The following TSHR variants were observed in gnomAD, a reference collection of about 807,000 sequenced individuals.
The protein encoded by TSHR is thyroid stimulating hormone receptor.
TSHR carries 51 observed loss-of-function variants against 64.1 expected under a neutral mutation model. That is an observed-to-expected ratio of 0.80 (90% CI 0.64 to 1.01). The LOEUF (loss-of-function observed/expected upper bound fraction) is 1.01, where lower values mean the gene tolerates loss of function less well. Ranked by LOEUF, TSHR falls within the 50% of genes least tolerant of loss-of-function variation. The pLI, the probability that TSHR is intolerant of heterozygous loss-of-function variation, is 0.00. For missense variants in TSHR, 877 were observed against 942.8 expected (o/e 0.93, Z 0.91); for synonymous variants, 361 against 361.9 (o/e 1.00, Z 0.03).
intron 2 of TSHR, among the ~76,000 whole-genome samples, chr14:81,067,484 T>TATATATATAA (rs1491134760): frequency 3.7e-4 from 1 of 2,682 alleles, no homozygotes; most frequent in Non-Finnish European, 1.9e-3. Context: ...TTTATAGTTT[T>TATATATATAA]ATATATATAT....
chr14:81,034,770 C>T (rs726626), intron 1 of TSHR, among the ~76,000 whole-genome samples: 37,159 of 152,056 alleles, frequency 0.24, 4,661 homozygotes, highest in South Asian at 0.33. Flanking sequence ...TGTCCTATGA[C>T]AGAAACAGGA....
intron 7 of TSHR, among the ~76,000 whole-genome samples, chr14:81,097,537 C>T (rs1016535514): frequency 1.3e-5 from 2 of 152,164 alleles, no homozygotes; most frequent in Non-Finnish European, 2.9e-5. Context: ...ATATTTCTAA[C>T]AAACTCCCAG....
intron 1 of TSHR, among the ~76,000 whole-genome samples, chr14:81,005,340 C>T (rs983625730): frequency 5.9e-5 from 9 of 152,046 alleles, no homozygotes; most frequent in African/African-American, 1.9e-4. Context: ...GTTTTATAGG[C>T]ACATATTACT....
At chr14:81,109,873 G>A (rs538469487) in intron 8 of TSHR, among the ~76,000 whole-genome samples, 2 of 152,206 alleles carry the variant, frequency 1.3e-5, no homozygotes, top group African/African-American at 4.8e-5. Context: ...AGACAAGTGG[G>A]GAAAAAATGT....
chr14:81,083,819 G>T (rs1041525851), intron 3 of TSHR, among the ~76,000 whole-genome samples: 1 of 152,158 alleles, frequency 6.6e-6, no homozygotes. Context: ...TGGCTGGGGA[G>T]GCCTCAGGAA....
chr14:81,127,453 G>A (rs2140078988), intron 8 of TSHR, among the ~76,000 whole-genome samples: 1 of 152,236 alleles, frequency 6.6e-6, no homozygotes, highest in South Asian at 2.1e-4. Flanking sequence ...GGGTTGTGAG[G>A]TTGAGAAGGG....
intron 8 of TSHR, among the ~76,000 whole-genome samples, chr14:81,132,893 A>G (rs1447750815): frequency 6.6e-6 from 1 of 152,142 alleles, no homozygotes; most frequent in African/African-American, 2.4e-5. Context: ...GGTTTATTTT[A>G]GGAAAGAAGG....
At chr14:81,092,387 G>A (rs773746950) in intron 5 of TSHR, 144 bp from the exon 6 acceptor site, 39 of 787,466 alleles carry the variant, frequency 5.0e-5, no homozygotes, top group African/African-American at 2.1e-4. Context: ...AGCCACTAGC[G>A]GTTAAGAAGG....
chr14:81,072,827 C>G (rs1039017496), intron 3 of TSHR, among the ~76,000 whole-genome samples: 9 of 136,166 alleles, frequency 6.6e-5, no homozygotes, highest in African/African-American at 3.1e-4. Flanking sequence ...GAAACCCCGT[C>G]TCTACTAAAA....
chr14:81,070,074 T>C (rs1341914954), intron 3 of TSHR, among the ~76,000 whole-genome samples: 6 of 151,990 alleles, frequency 3.9e-5, no homozygotes, highest in African/African-American at 1.2e-4. Flanking sequence ...AAGACTATAA[T>C]CAGTCTGAAG....
At chr14:80,956,080 C>G in intron 1 of TSHR, 1 of 614,466 alleles carries the variant, frequency 1.6e-6, no homozygotes, top group Non-Finnish European at 2.9e-6. Context: ...GAAAATGTTA[C>G]AAAACTTTGG....
intron 2 of TSHR, among the ~76,000 whole-genome samples, chr14:81,066,800 G>T (rs1279555581): frequency 1.3e-5 from 2 of 152,126 alleles, no homozygotes; most frequent in Non-Finnish European, 2.9e-5. Context: ...TAGTTTAATT[G>T]CATGTCCAGG....
intron 8 of TSHR, among the ~76,000 whole-genome samples, chr14:81,114,163 TG>T (rs1030079972): frequency 2.1e-5 from 3 of 145,646 alleles, no homozygotes; most frequent in South Asian, 2.1e-4. Context: ...AAAGTATCAC[TG>T]GGGGGGAGGA....
chr14:81,060,431 C>T (rs922448271), intron 1 of TSHR, among the ~76,000 whole-genome samples: 2 of 151,958 alleles, frequency 1.3e-5, no homozygotes, highest in Admixed American at 1.3e-4. Flanking sequence ...ATTTATGGGA[C>T]CTGAATTTCT....
chr14:81,099,722 A>T (rs1889448348), intron 7 of TSHR, among the ~76,000 whole-genome samples: 1 of 152,206 alleles, frequency 6.6e-6, no homozygotes, highest in Admixed American at 6.5e-5. Context: ...AAATGCTGGG[A>T]TGATAAAACG....
chr14:80,960,024 T>C (rs1045483441), intron 1 of TSHR, among the ~76,000 whole-genome samples: 1 of 152,246 alleles, frequency 6.6e-6, no homozygotes, highest in Non-Finnish European at 1.5e-5. Context: ...CAGACTATTG[T>C]CTGTGAATAC....
intron 8 of TSHR, 97 bp from the exon 9 acceptor site, chr14:81,139,582 C>T: frequency 2.4e-6 from 3 of 1,265,354 alleles, no homozygotes; most frequent in Admixed American, 3.5e-5. Flanking sequence ...CATATCATCT[C>T]CCAATTAACC....
At chr14:81,127,587 C>G (rs1891068999) in intron 8 of TSHR, among the ~76,000 whole-genome samples, 1 of 152,148 alleles carries the variant, frequency 6.6e-6, no homozygotes, top group Non-Finnish European at 1.5e-5. Context: ...ACAATTCCCA[C>G]ATGTTGTGGG....
At chr14:81,122,636 T>C (rs756403518) in intron 8 of TSHR, among the ~76,000 whole-genome samples, 2 of 152,094 alleles carry the variant, frequency 1.3e-5, no homozygotes, top group Non-Finnish European at 2.9e-5. Context: ...ATCCTCATCT[T>C]CTATAGTAGA....
Sources: allele counts gnomAD v4.1 joint callset (sites outside exome capture counted in the v4.1 genomes callset), GRCh38; gene constraint gnomAD v4.1.1; transcripts MANE v1.5; gene names NCBI Gene and HGNC (gene_info 2026-07-23, HGNC 2026-07-21).